The following SSH2 variants were observed in gnomAD, a reference collection of about 807,000 sequenced individuals.
SSH2 encodes protein phosphatase Slingshot homolog 2.
In SSH2, 37 loss-of-function variants were observed where a neutral mutation model predicts 135.2. The observed-to-expected ratio is 0.27, with a 90% CI of 0.21 to 0.36. The LOEUF (loss-of-function observed/expected upper bound fraction) is 0.36. SSH2 is among the 10% of genes least tolerant of loss of function. The pLI is 1.00. For missense variants in SSH2, 1,408 were observed against 1,765.3 expected (o/e 0.80, Z 3.63); for synonymous variants, 628 against 646.2 (o/e 0.97, Z 0.43).
chr17:29,884,556 A>G (rs1192872084), intron 1 of SSH2, among the ~76,000 whole-genome samples: 2 of 152,154 alleles, frequency 1.3e-5, no homozygotes, highest in Non-Finnish European at 2.9e-5. Flanking sequence ...GCCTAATTGG[A>G]ACATGTTTGC....
At chr17:29,656,929 A>G (rs78454355) in intron 11 of SSH2, among the ~76,000 whole-genome samples, 1 of 152,196 alleles carries the variant, frequency 6.6e-6, no homozygotes, top group Non-Finnish European at 1.5e-5. Flanking sequence ...TATTTACTCA[A>G]TCAAGGATAA....
intron 2 of SSH2, among the ~76,000 whole-genome samples, chr17:29,810,708 C>T (rs1298916191): frequency 1.3e-5 from 2 of 152,190 alleles, no homozygotes; most frequent in East Asian, 3.9e-4. Context: ...GTACACCATG[C>T]TATTATTAGC....
intron 1 of SSH2, among the ~76,000 whole-genome samples, chr17:29,888,767 C>T (rs913366600): frequency 3.5e-5 from 5 of 144,292 alleles, no homozygotes; most frequent in African/African-American, 7.8e-5. Flanking sequence ...AATCACATCC[C>T]TACAAAAAAC....
At chr17:29,887,199 T>C (rs1264799504) in intron 1 of SSH2, among the ~76,000 whole-genome samples, 1 of 152,136 alleles carries the variant, frequency 6.6e-6, no homozygotes, top group Non-Finnish European at 1.5e-5. Context: ...TTGAGATCAG[T>C]AGTAGTGTTA....
intron 1 of SSH2, among the ~76,000 whole-genome samples, chr17:29,898,501 C>T (rs1037784316): frequency 5.3e-5 from 8 of 152,242 alleles, no homozygotes; most frequent in East Asian, 3.9e-4. Flanking sequence ...ACTATAAACA[C>T]CTCTACGCAA....
Position 29,703,541 on chromosome 17 carries a change from G to A in SSH2, c.189-479C>T, listed in dbSNP as rs145943520. On this transcript the variant is annotated intron_variant, in intron 3 of 15. Coordinates refer to ENST00000540801, the MANE Select transcript of SSH2 (RefSeq NM_001282129.2). ...GGAATACAGACGTGAGCCACTGTGC[G>A]TGGCCTCTAGACAAGTTTTCTGAAA... Among the ~76,000 whole-genome samples the A allele has an allele frequency of 9.0e-4, 133 of 147,360 alleles. 2 individuals carry two copies. In the East Asian group the frequency reaches 0.022, roughly 24 times the overall value.
chr17:29,648,981 A>G (rs2036487826), intron 13 of SSH2, among the ~76,000 whole-genome samples: 1 of 152,160 alleles, frequency 6.6e-6, no homozygotes, highest in African/African-American at 2.4e-5. Flanking sequence ...TCTACTAAAA[A>G]TACAAAAAAA....
At chr17:29,811,879 A>G (rs1237896228) in intron 2 of SSH2, among the ~76,000 whole-genome samples, 1 of 152,156 alleles carries the variant, frequency 6.6e-6, no homozygotes. Flanking sequence ...TTCACCACCT[A>G]ATTCTCTAAG....
At chr17:29,659,254 G>T (rs1308769369) in intron 11 of SSH2, among the ~76,000 whole-genome samples, 1 of 152,124 alleles carries the variant, frequency 6.6e-6, no homozygotes, top group African/African-American at 2.4e-5. Flanking sequence ...TCAAAGGCAG[G>T]ATACACTTTT....
intron 1 of SSH2, among the ~76,000 whole-genome samples, chr17:29,907,171 C>T (rs888056181): frequency 6.6e-6 from 1 of 152,154 alleles, no homozygotes; most frequent in Non-Finnish European, 1.5e-5. Flanking sequence ...CCATGGAATA[C>T]TATGCAGTCA....
chr17:29,843,548 C>A (rs1404553098), intron 2 of SSH2, among the ~76,000 whole-genome samples: 1 of 150,128 alleles, frequency 6.7e-6, no homozygotes, highest in African/African-American at 2.5e-5. Context: ...CAGAGGGAGA[C>A]TCAGTCTCAA....
chr17:29,730,892 C>A (rs1017760024), intron 3 of SSH2, among the ~76,000 whole-genome samples: 3 of 152,054 alleles, frequency 2.0e-5, no homozygotes, highest in Admixed American at 1.3e-4. Flanking sequence ...GTGACTGTTA[C>A]CTTCAGAATA....
chr17:29,913,365 T>A (rs1170636029), intron 1 of SSH2, among the ~76,000 whole-genome samples: 9 of 78,580 alleles, frequency 1.1e-4, no homozygotes, highest in Middle Eastern at 9.3e-3. Context: ...TATATATATA[T>A]ATATATATAT....
chr17:29,850,302 A>G (rs1186919942), intron 1 of SSH2, among the ~76,000 whole-genome samples: 1 of 152,202 alleles, frequency 6.6e-6, no homozygotes, highest in East Asian at 1.9e-4. Context: ...CTGTTTAGCT[A>G]ACAGCAGCTG....
At chr17:29,678,290 T>C (rs1172181294) in intron 6 of SSH2, among the ~76,000 whole-genome samples, 1 of 152,114 alleles carries the variant, frequency 6.6e-6, no homozygotes, top group African/African-American at 2.4e-5. Context: ...GAGATGGGGT[T>C]TCACCATGTT....
chr17:29,807,595 G>A (rs1340406537), intron 2 of SSH2, among the ~76,000 whole-genome samples: 2 of 152,302 alleles, frequency 1.3e-5, no homozygotes, highest in Non-Finnish European at 2.9e-5. Flanking sequence ...TATGGCACAG[G>A]AAGTACATGT....
intron 1 of SSH2, among the ~76,000 whole-genome samples, chr17:29,894,214 GC>G: frequency 6.6e-6 from 1 of 152,150 alleles, no homozygotes; most frequent in South Asian, 2.1e-4. Context: ...TAAAGTTTCT[GC>G]CACAGTACCT....
chr17:29,682,374 GT>G (rs2038022564), intron 6 of SSH2, among the ~76,000 whole-genome samples: 1 of 152,144 alleles, frequency 6.6e-6, no homozygotes, highest in African/African-American at 2.4e-5. Context: ...AATGGAAAAT[GT>G]TCTATACATG....
intron 4 of SSH2, among the ~76,000 whole-genome samples, chr17:29,698,630 C>T (rs2038858709): frequency 6.6e-6 from 1 of 151,962 alleles, no homozygotes; most frequent in Non-Finnish European, 1.5e-5. Context: ...GGACTAACTA[C>T]CCTAGGTGTT....
Sources: allele counts gnomAD v4.1 joint callset (sites outside exome capture counted in the v4.1 genomes callset), GRCh38; gene constraint gnomAD v4.1.1; transcripts MANE v1.5; gene names NCBI Gene and HGNC (gene_info 2026-07-23, HGNC 2026-07-21).